Variants in CACNG3 observed in about 807,000 individuals in gnomAD.
The protein encoded by CACNG3 is voltage-dependent calcium channel gamma-3 subunit.
CACNG3 carries 3 observed loss-of-function variants against 28.5 expected under a neutral mutation model. The observed-to-expected ratio is 0.11, with a 90% CI of 0.05 to 0.27. The LOEUF is 0.27. Among genes scored for constraint, CACNG3 ranks in the 10% least tolerant of loss-of-function variants. The probability of loss-of-function intolerance (pLI) is 1.00; values close to 1 mark genes in which losing one functional copy is unlikely to be tolerated. For synonymous variants in CACNG3, 174 were observed against 162.2 expected (o/e 1.07, Z -0.55); for missense variants, 236 against 414.4 (o/e 0.57, Z 3.74).
At chr16:24,327,355 C>G (rs1265281045) in intron 1 of CACNG3, among the ~76,000 whole-genome samples, 1 of 148,494 alleles carries the variant, frequency 6.7e-6, no homozygotes, top group Non-Finnish European at 1.5e-5. Flanking sequence ...GCCCTCACTT[C>G]GAACTCCTCA....
At chr16:24,351,200 T>A (rs1020183056) in intron 2 of CACNG3, among the ~76,000 whole-genome samples, 1 of 152,086 alleles carries the variant, frequency 6.6e-6, no homozygotes, top group African/African-American at 2.4e-5. Flanking sequence ...AGGCAGCAGG[T>A]GCATTTCATT....
At chr16:24,334,557 G>C (rs1021954377) in intron 1 of CACNG3, among the ~76,000 whole-genome samples, 2 of 152,182 alleles carry the variant, frequency 1.3e-5, no homozygotes, top group African/African-American at 4.8e-5. Context: ...CCACTGGAGG[G>C]GGGACATCCT....
At chr16:24,302,880 G>A (rs996865352) in intron 1 of CACNG3, among the ~76,000 whole-genome samples, 3 of 151,990 alleles carry the variant, frequency 2.0e-5, no homozygotes, top group Non-Finnish European at 4.4e-5. Context: ...GGCCGGTTTT[G>A]AATTCCTGGC....
chr16:24,326,078 C>T (rs768673100), intron 1 of CACNG3, among the ~76,000 whole-genome samples: 1 of 152,154 alleles, frequency 6.6e-6, no homozygotes, highest in East Asian at 1.9e-4. Flanking sequence ...CTGTCTCCAA[C>T]GTGGGGGGGT....
intron 1 of CACNG3, among the ~76,000 whole-genome samples, chr16:24,342,305 GCTTA>G (rs1899802003): frequency 6.6e-6 from 1 of 152,166 alleles, no homozygotes; most frequent in South Asian, 2.1e-4. Flanking sequence ...AAATGCAGAA[GCTTA>G]CTTAATTTTT....
chr16:24,305,293 T>A (rs1457523555), intron 1 of CACNG3, among the ~76,000 whole-genome samples: 1 of 151,562 alleles, frequency 6.6e-6, no homozygotes, highest in Non-Finnish European at 1.5e-5. Context: ...AAAGTATATA[T>A]ATATATACAA....
At chr16:24,302,196 A>T (rs1245192041) in intron 1 of CACNG3, among the ~76,000 whole-genome samples, 3 of 152,198 alleles carry the variant, frequency 2.0e-5, no homozygotes, top group African/African-American at 7.2e-5. Flanking sequence ...CATGTTCCAC[A>T]ATGTAGCCTG....
At chr16:24,340,597 A>C (rs1003807317) in intron 1 of CACNG3, among the ~76,000 whole-genome samples, 1 of 152,058 alleles carries the variant, frequency 6.6e-6, no homozygotes, top group Non-Finnish European at 1.5e-5. Context: ...TAAGGACAGC[A>C]CCCCTCCTCA....
chr16:24,361,261 C>T lies in CACNG3; in HGVS notation c.437-91C>T, dbSNP rs1046218570. 1.1e-5 allele frequency: 12 copies of T among 1,059,456 alleles called. No homozygotes were observed. The highest frequency in any genetic ancestry group is 1.3e-5 in the Non-Finnish European group (9 of 719,406). 65.6% of individuals were successfully genotyped at this position (1,059,456 alleles called of 1,614,324 possible). On this transcript the variant is annotated intron_variant, in intron 3 of 3. Transcript: ENST00000005284. The surrounding 1 kb of genome is among the most constrained non-coding windows in gnomAD (Gnocchi z 6.8). ...ATCCATTCTCCTCTCTCCCCATTAC[C>T]TCCACATTTTCTATAAATATTTTAA...
At chr16:24,341,450 T>A (rs868128290) in intron 1 of CACNG3, among the ~76,000 whole-genome samples, 42 of 152,326 alleles carry the variant, frequency 2.8e-4, no homozygotes, top group African/African-American at 8.2e-4. Context: ...ATAGCTGTAA[T>A]ATACTGAGTT....
chr16:24,345,874 G>T (rs116221233), intron 1 of CACNG3, among the ~76,000 whole-genome samples: 3,922 of 152,254 alleles, frequency 0.026, 66 homozygotes, highest in African/African-American at 0.035. Context: ...ATTGGGGAGA[G>T]TGGACTATTC....
At chr16:24,332,138 A>G (rs1238496984) in intron 1 of CACNG3, among the ~76,000 whole-genome samples, 1 of 152,202 alleles carries the variant, frequency 6.6e-6, no homozygotes, top group Non-Finnish European at 1.5e-5. Flanking sequence ...CAAGCAACCT[A>G]GGTGCCTCTC....
chr16:24,358,183 G>A (rs1567227010), intron 3 of CACNG3, among the ~76,000 whole-genome samples: 1 of 152,108 alleles, frequency 6.6e-6, no homozygotes, highest in Non-Finnish European at 1.5e-5. Flanking sequence ...GTGCTGGGGG[G>A]AAAAAAGAGA....
chr16:24,344,513 G>C (rs533491341), intron 1 of CACNG3, among the ~76,000 whole-genome samples: 4 of 152,284 alleles, frequency 2.6e-5, no homozygotes, highest in African/African-American at 9.6e-5. Context: ...ACTGGAAGGG[G>C]ATGGGGCTTA....
At chr16:24,329,622 A>G (rs990307191) in intron 1 of CACNG3, among the ~76,000 whole-genome samples, 12 of 152,156 alleles carry the variant, frequency 7.9e-5, no homozygotes, top group African/African-American at 1.7e-4. Context: ...CTCTTCCTGC[A>G]TTACCTTTTT....
chr16:24,263,898 T>C (rs916831184), intron 1 of CACNG3, among the ~76,000 whole-genome samples: 3 of 152,268 alleles, frequency 2.0e-5, no homozygotes, highest in Non-Finnish European at 2.9e-5. Flanking sequence ...ATACTTGTAG[T>C]TCCTCAGTGA....
intron 1 of CACNG3, among the ~76,000 whole-genome samples, chr16:24,297,453 A>C (rs1237065987): frequency 6.6e-6 from 1 of 151,938 alleles, no homozygotes; most frequent in Non-Finnish European, 1.5e-5. Context: ...CTATAACCAA[A>C]ACCCTCTCAC....
rs60183165 is a variant in CACNG3 at position 24,294,231 on chromosome 16, G to A, written c.211+37266G>A. On this transcript the variant is annotated intron_variant, in intron 1 of 3. Transcript: ENST00000005284. ...GGATGCTGGAAGAAGGCACCAGAACGTCTCCCCTCCGGGCAGCGAGGACAG... is the reference window on the plus strand; with the variant it reads ...GGATGCTGGAAGAAGGCACCAGAACATCTCCCCTCCGGGCAGCGAGGACAG... Among the ~76,000 whole-genome samples, 968 of 152,332 alleles carry A rather than the reference G, an allele frequency of 6.4e-3. 12 individuals are homozygous for A. Among genetic ancestry groups the A allele is most frequent in the African/African-American group, 0.022 (894 of 41,568 alleles).
intron 1 of CACNG3, among the ~76,000 whole-genome samples, chr16:24,302,938 G>A (rs148991004): frequency 7.3e-4 from 111 of 151,782 alleles, no homozygotes; most frequent in African/African-American, 2.7e-3. Flanking sequence ...GGAATTACAG[G>A]CATGAGCCTC....
Sources: gnomAD v4.1 joint callset for allele counts (sites outside exome capture counted in the v4.1 genomes callset) on GRCh38, gnomAD v4.1.1 for gene constraint, Gnocchi (gnomAD v3.1) non-coding constraint, MANE v1.5 for transcripts, NCBI Gene and HGNC (gene_info 2026-07-23, HGNC 2026-07-21) for gene names.